Variants in MRPS15 observed in about 807,000 individuals in gnomAD.
MRPS15 encodes the protein mitochondrial ribosomal protein S15.
In MRPS15, 25 loss-of-function variants were observed where a neutral mutation model predicts 30.7. That is an observed-to-expected ratio of 0.81 (90% CI 0.59 to 1.14). MRPS15 has a LOEUF of 1.14. Among genes scored for constraint, MRPS15 ranks in the 50% most tolerant of loss-of-function variants. The probability of loss-of-function intolerance (pLI) is 0.00; values close to 1 mark genes in which losing one functional copy is unlikely to be tolerated. For missense variants in MRPS15, 313 were observed against 321.7 expected (o/e 0.97, Z 0.21); for synonymous variants, 124 against 120.1 (o/e 1.03, Z -0.21).
Position 36,462,141 on chromosome 1 carries a change from G to A in MRPS15, c.198C>T (p.Asp66=). 1 of 1,612,870 alleles carries A rather than the reference G, an allele frequency of 6.2e-7. No individual in the cohort carries two copies. Among genetic ancestry groups the A allele is most frequent in the Non-Finnish European group, 8.5e-7 (1 of 1,179,266 alleles). Reference sequence around the variant, plus strand: ...CTTTGAGCAGCGTAGAGGGAGGTGGGTCATCATCCAGCCTAGACTGGGCTG... The same window carrying A: ...CTTTGAGCAGCGTAGAGGGAGGTGGATCATCATCCAGCCTAGACTGGGCTG... ...RKPAQSRLDD[D]PPPSTLLKDY... The change falls in exon 3 of 8, where the codon GAC becomes GAT. Residue 66 remains aspartate, a synonymous_variant. Coordinates refer to ENST00000373116, the MANE Select transcript of MRPS15 (RefSeq NM_031280.4).
At position 36,463,870 on chromosome 1, in the gene MRPS15, C is replaced by G. The variant is rs956138842; in HGVS notation, c.131-20G>C. 6.2e-7 allele frequency: 1 copy of G among 1,606,960 alleles called. No homozygotes were observed. The highest frequency in any genetic ancestry group is 1.3e-5 in the African/African-American group (1 of 74,428). ...GGAGACCTACGCAGAAAAGAGAGGG[C>G]TGAGGACCATCTCCTTAAATAGCCC... is the stretch of plus-strand genomic sequence containing the variant. On this transcript the variant is annotated intron_variant, in intron 1 of 7. Coordinates refer to ENST00000373116, the MANE Select transcript of MRPS15 (RefSeq NM_031280.4).
At chr1:36,460,977 G>A (rs1650087855) in intron 4 of MRPS15, among the ~76,000 whole-genome samples, 1 of 152,250 alleles carries the variant, frequency 6.6e-6, no homozygotes, top group African/African-American at 2.4e-5. Context: ...GCCACTGACA[G>A]AGGAAATGAC....
intron 3 of MRPS15, 39 bp downstream of exon 3, chr1:36,462,049 G>A (rs775224989): frequency 6.4e-7 from 1 of 1,560,364 alleles, no homozygotes; most frequent in South Asian, 1.1e-5. Context: ...AATCCTCCCA[G>A]GGCCCCCTGC....
In MRPS15 at chr1:36,461,419, G is replaced by A. The variant is rs145803086; in HGVS notation, c.252-107C>T. On this transcript the variant is annotated intron_variant, in intron 3 of 7. Transcript: ENST00000373116. The stretch of plus-strand genomic sequence containing the variant: ...CAAAGATGATTGAAAAATTCCTTCT[G>A]TAGCAAATGAATCTCCCTGGAGGTG... The A allele has an allele frequency of 4.9e-5, 52 of 1,060,102 alleles. No homozygotes were observed. In the African/African-American group the frequency reaches 7.8e-4, roughly 16 times the overall value. 65.7% of individuals were successfully genotyped at this position (1,060,102 alleles called of 1,614,324 possible).
chr1:36,457,106 C>CT (rs1650006389), intron 6 of MRPS15, among the ~76,000 whole-genome samples: 1 of 152,002 alleles, frequency 6.6e-6, no homozygotes, highest in African/African-American at 2.4e-5. Context: ...GAAACCCTGT[C>CT]TCTACTAAAA....
intron 6 of MRPS15, among the ~76,000 whole-genome samples, chr1:36,457,293 A>ATG (rs1650010249): frequency 7.0e-6 from 1 of 143,226 alleles, no homozygotes; most frequent in East Asian, 2.0e-4. Flanking sequence ...AAAAAAAAAT[A>ATG]TATATATATA....
chr1:36,463,908 C>G (rs1195825185), intron 1 of MRPS15, 58 bp from the exon 2 acceptor site: 1 of 1,568,612 alleles, frequency 6.4e-7, no homozygotes, highest in Admixed American at 1.9e-5. Context: ...CCCTCAGTTC[C>G]TTTCTGTGCC....
intron 3 of MRPS15, 110 bp downstream of exon 3, chr1:36,461,978 G>A: frequency 1.1e-6 from 1 of 949,036 alleles, no homozygotes; most frequent in Non-Finnish European, 1.6e-6. Context: ...CCTCCTTCTA[G>A]ATCAAGCTTC....
chr1:36,464,333 G>T lies in MRPS15; in HGVS notation c.-58C>A. Reference sequence around the variant, plus strand: ...CGGCCGCCGTTCGCTTTGCGGCACGGACCGGGTTACATGGGCGCCGCCATG... The same window carrying T: ...CGGCCGCCGTTCGCTTTGCGGCACGTACCGGGTTACATGGGCGCCGCCATG... On this transcript the variant is annotated 5_prime_UTR_variant, in exon 1 of 8. Coordinates refer to ENST00000373116, the MANE Select transcript of MRPS15 (RefSeq NM_031280.4). The T allele has an allele frequency of 3.2e-6, 5 of 1,580,132 alleles. No individual in the cohort carries two copies. The highest frequency in any genetic ancestry group is 4.3e-6 in the Non-Finnish European group (5 of 1,162,690).
Position 36,455,918 on chromosome 1 carries a change from T to C in MRPS15, c.644A>G (p.Gln215Arg). 1 of 1,612,930 alleles carries C rather than the reference T, an allele frequency of 6.2e-7. No individual in the cohort carries two copies. Among genetic ancestry groups the C allele is most frequent in the Non-Finnish European group, 8.5e-7 (1 of 1,179,750 alleles). ...TKKALCIRVFQETQKLKKRRR... is the reference protein window; with the variant it reads ...TKKALCIRVFRETQKLKKRRR... ...TCGCTTCTTCAGCTTTTGAGTCTCC[T>C]GGAAAACCTGGGGATGAAAAGGGGC... The change falls in exon 8 of 8, where the codon CAG (glutamine) becomes CGG (arginine). Residue 215 changes from glutamine to arginine, a missense_variant. Gln to Arg is a conservative substitution (Grantham distance 43). Transcript: ENST00000373116.
Position 36,464,128 on chromosome 1 carries a change from C to G in MRPS15, c.130+18G>C. On this transcript the variant is annotated intron_variant, in intron 1 of 7. Transcript: ENST00000373116. ...CCCTGTTTCCCTACGCCCGCCGTCCCATTTCTCAGCTCCTCACTTCGAGGC... is the reference window on the plus strand; with the variant it reads ...CCCTGTTTCCCTACGCCCGCCGTCCGATTTCTCAGCTCCTCACTTCGAGGC... The G allele has an allele frequency of 3.1e-6, 5 of 1,609,052 alleles. No homozygotes were observed. Among genetic ancestry groups the G allele is most frequent in the Non-Finnish European group, 4.2e-6 (5 of 1,177,786 alleles).
intron 2 of MRPS15, among the ~76,000 whole-genome samples, chr1:36,462,708 T>A (rs998500110): frequency 1.3e-5 from 2 of 152,232 alleles, no homozygotes; most frequent in Non-Finnish European, 2.9e-5. Flanking sequence ...GATGGACTTA[T>A]CCTCTCCAGT....
At position 36,462,161 on chromosome 1, in the gene MRPS15, G is replaced by A. The variant is rs1228766187; in HGVS notation, c.178C>T (p.Gln60Ter). The change falls in exon 3 of 8, where the codon CAG (glutamine) becomes TAG (stop). Residue 60 changes from glutamine (Q) to a stop codon, truncating the protein, a stop_gained and splice_region_variant. Transcript: ENST00000373116. LOFTEE classifies it high-confidence loss of function. ...GGTGGGTCATCATCCAGCCTAGACT[G>A]GGCTGTCAAGTAAATATGGGGATAG... is the stretch of plus-strand genomic sequence containing the variant. ...ARGYVVRKPA[Q>*]SRLDDDPPPS... The A allele has an allele frequency of 2.5e-6, 4 of 1,609,880 alleles. No individual in the cohort carries two copies. The highest frequency in any genetic ancestry group is 1.1e-5 in the South Asian group (1 of 90,746).
chr1:36,456,208 G>C lies in MRPS15; in HGVS notation c.615C>G (p.Thr205=). ...GTACCCGAATGCACAGAGCCTTCTTGGTCACGAATCGGCGGTGGGCTCTTC... is the reference window on the plus strand; with the variant it reads ...GTACCCGAATGCACAGAGCCTTCTTCGTCACGAATCGGCGGTGGGCTCTTC... ...YYRRAHRRFV[T]KKALCIRVFQ... Residue 205 remains threonine, a synonymous_variant, in exon 7 of 8, where the codon ACC becomes ACG. Transcript: ENST00000373116. 6.2e-7 allele frequency: 1 copy of C among 1,611,648 alleles called. No individual in the cohort carries two copies. The highest frequency in any genetic ancestry group is 2.2e-5 in the East Asian group (1 of 44,844).
rs1285163161 is a variant in MRPS15 at position 36,455,848 on chromosome 1, C to T, written c.714G>A (p.Lys238=). ...TGGCAGGGCTGTCTGGGTTCCTCCG[C>T]TTTGCTTGTTTTTGGGCTGCTGCTG... ...KAAAAAQKQA[K]RRNPDSPAKA... is the part of the protein sequence containing the mutation. The change falls in exon 8 of 8, where the codon AAG becomes AAA. Residue 238 remains lysine, a synonymous_variant. Coordinates refer to ENST00000373116, the MANE Select transcript of MRPS15 (RefSeq NM_031280.4). The T allele has an allele frequency of 3.1e-6, 5 of 1,614,076 alleles. No individual in the cohort carries two copies. The highest frequency in any genetic ancestry group is 4.2e-6 in the Non-Finnish European group (5 of 1,180,044).
At position 36,456,299 on chromosome 1, in the gene MRPS15, T is replaced by C. The variant is rs1649993972; in HGVS notation, c.524A>G (p.Tyr175Cys). The C allele has an allele frequency of 1.9e-6, 3 of 1,614,164 alleles. No individual in the cohort carries two copies. The highest frequency in any genetic ancestry group is 2.5e-6 in the Non-Finnish European group (3 of 1,179,986). Residue 175 changes from tyrosine (Y) to cysteine (C), a missense_variant, in exon 7 of 8, where the codon TAT becomes TGT. Coordinates refer to ENST00000373116, the MANE Select transcript of MRPS15 (RefSeq NM_031280.4). ...KMLKNLRNTN[Y>C]DVFEKICWGL... ...CCAGCATATCTTCTCAAAGACATCA[T>C]AGTTGGTGTTACGGAGGTTTTTGAG...
chr1:36,463,677 G>C, intron 2 of MRPS15, 129 bp downstream of exon 2: 2 of 1,042,760 alleles, frequency 1.9e-6, no homozygotes, highest in South Asian at 1.6e-5. Flanking sequence ...GGTGGACGTG[G>C]GGTCTTTTGC....
Position 36,457,999 on chromosome 1 carries a change from A to G in MRPS15, c.386-18T>C, listed in dbSNP as rs1392866860. 1 of 1,613,354 alleles carries G rather than the reference A, an allele frequency of 6.2e-7. No individual in the cohort carries two copies. The highest frequency in any genetic ancestry group is 8.5e-7 in the Non-Finnish European group (1 of 1,179,242). ...GGCAATAACTGAAACCACAAACCAC[A>G]GAGGATGAGAGTTGGGCACAGAGGA... On this transcript the variant is annotated intron_variant, in intron 5 of 7. Transcript: ENST00000373116.
Position 36,462,114 on chromosome 1 carries a change from G to C in MRPS15, c.225C>G (p.Asp75Glu). 1 of 1,613,314 alleles carries C rather than the reference G, an allele frequency of 6.2e-7. No individual in the cohort carries two copies. Among genetic ancestry groups the C allele is most frequent in the Non-Finnish European group, 8.5e-7 (1 of 1,179,444 alleles). Residue 75 changes from aspartate to glutamate, a missense_variant, in exon 3 of 8, where the codon GAC (aspartate) becomes GAG (glutamate). Transcript: ENST00000373116. ...DDPPPSTLLK[D>E]YQNVPGIEKV... ...TCTCAATTCCAGGGACATTCTGGTA[G>C]TCTTTGAGCAGCGTAGAGGGAGGTG... is the stretch of plus-strand genomic sequence containing the variant.
Sources: gnomAD v4.1 joint callset for allele counts (sites outside exome capture counted in the v4.1 genomes callset) on GRCh38, gnomAD v4.1.1 for gene constraint, MANE v1.5 for transcripts, NCBI Gene and HGNC (gene_info 2026-07-23, HGNC 2026-07-21) for gene names.